The following MYO9A variants were observed in gnomAD, a reference collection of about 807,000 sequenced individuals.
The protein encoded by MYO9A is unconventional myosin-IXa.
MYO9A carries 103 observed loss-of-function variants against 293.3 expected under a neutral mutation model. That is an observed-to-expected ratio of 0.35 (90% CI 0.30 to 0.41). The LOEUF (loss-of-function observed/expected upper bound fraction) is 0.41. MYO9A is among the 10% of genes least tolerant of loss of function. MYO9A has a pLI of 1.00. For synonymous variants in MYO9A, 1,001 were observed against 1,035.7 expected, an observed-to-expected ratio of 0.97 and a Z score of 0.64; for missense variants, 2,685 against 3,033.0, an observed-to-expected ratio of 0.89 and a Z score of 2.69.
intron 25 of MYO9A, among the ~76,000 whole-genome samples, chr15:71,894,295 G>A (rs1277104664): frequency 6.6e-6 from 1 of 152,158 alleles, no homozygotes; most frequent in Non-Finnish European, 1.5e-5. Flanking sequence ...TTGACGTTGA[G>A]GCTGGGTGCA....
chr15:71,918,587 T>G (rs2058073172), intron 18 of MYO9A, among the ~76,000 whole-genome samples: 1 of 152,224 alleles, frequency 6.6e-6, no homozygotes, highest in South Asian at 2.1e-4. Flanking sequence ...CACTTTTGAA[T>G]TATCACAGCT....
At chr15:72,020,750 T>C (rs2077480079) in intron 5 of MYO9A, among the ~76,000 whole-genome samples, 168 bp downstream of exon 5, 2 of 152,218 alleles carry the variant, frequency 1.3e-5, no homozygotes, top group African/African-American at 4.8e-5. Flanking sequence ...ATGAGGATGG[T>C]AATCATCCTC....
chr15:72,011,841 G>C (rs1265108743), intron 6 of MYO9A, among the ~76,000 whole-genome samples: 3 of 152,020 alleles, frequency 2.0e-5, no homozygotes, highest in African/African-American at 7.3e-5. Context: ...CAAGTACTTG[G>C]TGAAGTATAT....
Position 72,032,578 on chromosome 15 carries a change from T to C in MYO9A, c.851A>G (p.Asn284Ser). The C allele has an allele frequency of 6.3e-7, 1 of 1,591,522 alleles. No individual in the cohort carries two copies. Among genetic ancestry groups the C allele is most frequent in the Non-Finnish European group, 8.5e-7 (1 of 1,172,400 alleles). ...GAGPVLEAFG[N>S]AKTAHNNNSS... is the part of the protein sequence containing the mutation. The stretch of plus-strand genomic sequence containing the variant: ...ATTGTTATTATGAGCTGTCTTTGCA[T>C]TTCCAAAGGCCTGTCAAAATAAATA... The change falls in exon 3 of 42, where the codon AAT becomes AGT. Residue 284 changes from asparagine (N) to serine (S), a missense_variant. Around this residue, in one of 10 missense-constraint regions of MYO9A, gnomAD observed 289 missense variants for 456.8 expected, o/e 0.63. Coordinates refer to ENST00000356056, the MANE Select transcript of MYO9A (RefSeq NM_006901.4).
At chr15:71,848,771 T>A (rs2055501699) in intron 39 of MYO9A, 74 bp downstream of exon 39, 6 of 1,505,840 alleles carry the variant, frequency 4.0e-6, no homozygotes, top group Non-Finnish European at 5.3e-6. Context: ...ATAATCCTTG[T>A]ATACACCACA....
chr15:72,043,142 C>T (rs1030056145), intron 2 of MYO9A, among the ~76,000 whole-genome samples: 1 of 151,806 alleles, frequency 6.6e-6, no homozygotes, highest in Non-Finnish European at 1.5e-5. Context: ...ATAAGGTCAA[C>T]GTGTAACTAT....
chr15:71,975,378 A>T (rs1222827514), intron 12 of MYO9A, among the ~76,000 whole-genome samples: 3 of 69,516 alleles, frequency 4.3e-5, no homozygotes, highest in African/African-American at 5.9e-5. Context: ...TTGGCCTATG[A>T]CGTGATTTTA....
chr15:72,074,820 C>A (rs979977293), intron 1 of MYO9A, among the ~76,000 whole-genome samples: 4 of 152,142 alleles, frequency 2.6e-5, no homozygotes, highest in Non-Finnish European at 4.4e-5. Context: ...AAAATAACTA[C>A]AGTTGCAGCT....
intron 2 of MYO9A, among the ~76,000 whole-genome samples, chr15:72,034,280 A>T (rs1481187304): frequency 6.6e-5 from 10 of 152,234 alleles, no homozygotes; most frequent in Admixed American, 5.9e-4. Flanking sequence ...ATCTGTGCTT[A>T]TAAAACCCCC....
At chr15:71,882,093 T>C (rs1156523540) in intron 28 of MYO9A, among the ~76,000 whole-genome samples, 2 of 152,206 alleles carry the variant, frequency 1.3e-5, no homozygotes, top group African/African-American at 2.4e-5. Flanking sequence ...TCTGGGAAGC[T>C]TGATGATCTT....
intron 14 of MYO9A, among the ~76,000 whole-genome samples, chr15:71,956,330 A>AAAAAAAATATATATATATATATATATAT (rs10642655): frequency 7.9e-5 from 6 of 75,562 alleles, no homozygotes; most frequent in African/African-American, 3.6e-4. Flanking sequence ...AAAAAAAAAA[A>AAAAAAAATATATATATATATATATATAT]ATATATATAT....
At chr15:71,843,222 A>G (rs1441565057) in intron 39 of MYO9A, among the ~76,000 whole-genome samples, 1 of 151,990 alleles carries the variant, frequency 6.6e-6, no homozygotes. Context: ...TGAGGTCAGG[A>G]GTTCGAGACC....
chr15:71,858,566 T>G (rs1596044277), intron 34 of MYO9A: 1 of 151,534 alleles, frequency 6.6e-6, no homozygotes, highest in South Asian at 2.1e-4. Flanking sequence ...ATGAGAACAC[T>G]TGGGTCTATG....
intron 18 of MYO9A, among the ~76,000 whole-genome samples, chr15:71,926,097 G>A (rs2058307317): frequency 6.6e-6 from 1 of 152,184 alleles, no homozygotes; most frequent in Non-Finnish European, 1.5e-5. Flanking sequence ...GTTCTAGGTA[G>A]GTGCAGCAGT....
At chr15:72,004,760 C>T (rs2076970965) in intron 8 of MYO9A, among the ~76,000 whole-genome samples, 2 of 152,272 alleles carry the variant, frequency 1.3e-5, no homozygotes, top group Admixed American at 6.5e-5. Context: ...TCACAAGTAT[C>T]CATGCCAAAT....
intron 1 of MYO9A, among the ~76,000 whole-genome samples, chr15:72,072,207 C>T (rs1362328303): frequency 6.6e-6 from 1 of 151,840 alleles, no homozygotes; most frequent in African/African-American, 2.4e-5. Flanking sequence ...TCTCAGCTCA[C>T]TGCAAGCTCC....
In MYO9A at chr15:72,046,166, C is replaced by A. The variant is rs148320227; in HGVS notation, c.398G>T (p.Arg133Met). 143 of 1,614,142 alleles carry A rather than the reference C, an allele frequency of 8.9e-5. No individual in the cohort carries two copies. The African/African-American group carries it at 1.7e-3, about 19-fold the overall frequency. The change falls in exon 2 of 42, where the codon AGG becomes ATG. Residue 133 changes from arginine (R) to methionine (M), a missense_variant. This residue lies in a region of MYO9A where 63 missense variants were observed against 57.9 expected (regional missense o/e 1.09). Coordinates refer to ENST00000356056, the MANE Select transcript of MYO9A (RefSeq NM_006901.4). ...SWLRVTEERRRMMERGFLPQP... is the reference protein window; with the variant it reads ...SWLRVTEERRMMMERGFLPQP... Reference sequence around the variant, plus strand: ...TGGAAGAAAACCCCGTTCCATCATCCTGCGACGTTCTTCTGTTACCCGTAG... The same window carrying A: ...TGGAAGAAAACCCCGTTCCATCATCATGCGACGTTCTTCTGTTACCCGTAG...
chr15:71,864,175 G>T (rs984201964), intron 32 of MYO9A, among the ~76,000 whole-genome samples: 2 of 152,140 alleles, frequency 1.3e-5, no homozygotes, highest in Non-Finnish European at 2.9e-5. Context: ...GCAAAATACT[G>T]AAGAGACAGC....
chr15:72,083,169 G>A (rs987014080), intron 1 of MYO9A, among the ~76,000 whole-genome samples: 3 of 151,852 alleles, frequency 2.0e-5, no homozygotes, highest in African/African-American at 7.3e-5. Context: ...TTGCTCGATG[G>A]GCTATTTATT....
Sources: gnomAD v4.1 joint callset for allele counts (sites outside exome capture counted in the v4.1 genomes callset) on GRCh38, gnomAD v4.1.1 for gene constraint, gnomAD v4.1.1 regional missense constraint, MANE v1.5 for transcripts, NCBI Gene and HGNC (gene_info 2026-07-23, HGNC 2026-07-21) for gene names.